The following DNAH17 variants were observed in gnomAD, a reference collection of about 807,000 sequenced individuals.
The protein encoded by DNAH17 is dynein axonemal heavy chain 17, also known as axonemal beta dynein heavy chain 17.
In DNAH17, 376 loss-of-function variants were observed where a neutral mutation model predicts 485.6. That is an observed-to-expected ratio of 0.77 (90% confidence interval 0.71 to 0.84). The LOEUF (loss-of-function observed/expected upper bound fraction) is 0.84. Ranked by LOEUF, DNAH17 falls within the 40% of genes least tolerant of loss-of-function variation. The probability of loss-of-function intolerance (pLI) is 0.00; values close to 1 mark genes in which losing one functional copy is unlikely to be tolerated. For missense variants in DNAH17, 6,370 were observed against 5,839.3 expected, an observed-to-expected ratio of 1.09 and a Z score of -2.96; for synonymous variants, 3,031 against 2,405.9, an observed-to-expected ratio of 1.26 and a Z score of -7.60.
intron 76 of DNAH17, 80 bp downstream of exon 76, chr17:78,429,041 C>T (rs915085963): frequency 6.8e-6 from 10 of 1,475,442 alleles, no homozygotes; most frequent in South Asian, 1.2e-5. Context: ...ATTATTGACA[C>T]TCCATTTGTG....
intron 17 of DNAH17, among the ~76,000 whole-genome samples, chr17:78,543,184 G>A (rs1464667779): frequency 2.0e-5 from 3 of 152,198 alleles, no homozygotes; most frequent in South Asian, 2.1e-4. Context: ...GTGCGATCTT[G>A]GTTCACTGCC....
intron 31 of DNAH17, among the ~76,000 whole-genome samples, chr17:78,503,480 C>T (rs1469016680): frequency 2.6e-5 from 4 of 151,758 alleles, no homozygotes; most frequent in Admixed American, 6.6e-5. Context: ...CCACCACGCT[C>T]GGCCACATAT....
At chr17:78,537,276 G>C (rs1242778643) in intron 19 of DNAH17, 23 bp downstream of exon 19, 7 of 1,549,854 alleles carry the variant, frequency 4.5e-6, no homozygotes, top group Non-Finnish European at 6.1e-6. Context: ...CCCTGTGTAC[G>C]GCCAGAAGAG....
intron 22 of DNAH17, 110 bp downstream of exon 22, chr17:78,529,362 A>G: frequency 9.4e-7 from 1 of 1,068,176 alleles, no homozygotes; most frequent in Admixed American, 1.9e-5. Context: ...TCCAGAGAGG[A>G]TCTAGCCCAC....
At chr17:78,530,939 C>T (rs1052630032) in intron 20 of DNAH17, among the ~76,000 whole-genome samples, 1 of 152,208 alleles carries the variant, frequency 6.6e-6, no homozygotes, top group East Asian at 1.9e-4. Flanking sequence ...GCCCACGGGG[C>T]CCTCTTTCTC....
Position 78,506,726 on chromosome 17 carries a change from G to C in DNAH17, c.4797C>G (p.Pro1599=). ...LLDILSNGND[P]VEVSRHLSKL... is the part of the protein sequence containing the mutation. Reference sequence around the variant, plus strand: ...TGCAAGGGGCCCCGCCTACCTCCACGGGGTCATTGCCATTGGAGAGAATGT... The same window carrying C: ...TGCAAGGGGCCCCGCCTACCTCCACCGGGTCATTGCCATTGGAGAGAATGT... The change falls in exon 30 of 81, where the codon CCC becomes CCG. Residue 1599 remains proline (P), a synonymous_variant. Transcript: ENST00000389840. 1 of 1,613,938 alleles carries C rather than the reference G, an allele frequency of 6.2e-7. No individual in the cohort carries two copies.
At chr17:78,463,127 A>C (rs1267718347) in intron 56 of DNAH17, 50 bp from the exon 57 acceptor site, 2 of 1,568,700 alleles carry the variant, frequency 1.3e-6, no homozygotes, top group African/African-American at 2.7e-5. Flanking sequence ...CCTGCAAATC[A>C]GCAAAGTGGG....
chr17:78,507,923 A>G (rs1210491646), intron 27 of DNAH17, 118 bp from the exon 28 acceptor site: 4 of 959,750 alleles, frequency 4.2e-6, no homozygotes, highest in Middle Eastern at 2.7e-4. Context: ...AAAGGCTCAA[A>G]CCAACGTATT....
intron 31 of DNAH17, 111 bp from the exon 32 acceptor site, chr17:78,503,122 A>C: frequency 1.6e-6 from 2 of 1,243,006 alleles, no homozygotes; most frequent in Non-Finnish European, 2.1e-6. Flanking sequence ...TCCTCATCCC[A>C]GGGGCAGACA....
intron 13 of DNAH17, among the ~76,000 whole-genome samples, chr17:78,560,170 A>G (rs73999131): frequency 6.6e-6 from 1 of 152,082 alleles, no homozygotes; most frequent in Non-Finnish European, 1.5e-5. Context: ...GACTGTCTGG[A>G]TCACTAATTT....
At position 78,527,062 on chromosome 17, in the gene DNAH17, A is replaced by G. The variant is rs2091098115; in HGVS notation, c.3508-66T>C. 9.6e-6 allele frequency: 13 copies of G among 1,349,930 alleles called. No individual in the cohort carries two copies. In the South Asian group the frequency reaches 1.8e-4, roughly 18 times the overall value. The allele number at this position is 1,349,930 out of a possible 1,614,324, so 83.6% of individuals were successfully genotyped here. ...CTTTTCTTAAACCTTCTATTGTGAA[A>G]TAATTAGAGACTGGTAAGAAGCTGC... is the stretch of plus-strand genomic sequence containing the variant. On this transcript the variant is annotated intron_variant, in intron 22 of 80. Coordinates refer to ENST00000389840, the MANE Select transcript of DNAH17 (RefSeq NM_173628.4).
rs1372688825 is a variant in DNAH17, at chr17:78,529,544, G to A, written c.3435C>T (p.Pro1145=). The change falls in exon 22 of 81, where the codon CCC becomes CCT. Residue 1145 remains proline, a synonymous_variant. Coordinates refer to ENST00000389840, the MANE Select transcript of DNAH17 (RefSeq NM_173628.4). ...TGAGCAGCTCGATGGTTTGCTTCAG[G>A]GGCTCAAACATGTTGTCGGTGGCTG... ...RQAATDNMFE[P]LKQTIELLKT... 5.0e-6 allele frequency: 8 copies of A among 1,613,792 alleles called. No individual in the cohort carries two copies. The highest frequency in any genetic ancestry group is 1.7e-5 in the Admixed American group (1 of 59,996).
chr17:78,552,838 G>A (rs1014728571), intron 14 of DNAH17, 33 bp from the exon 15 acceptor site: 2 of 1,470,954 alleles, frequency 1.4e-6, no homozygotes, highest in East Asian at 2.3e-5. Flanking sequence ...TTTGTTCCGA[G>A]TCCAACCAGA....
intron 4 of DNAH17, 71 bp downstream of exon 4, chr17:78,571,519 G>T: frequency 6.4e-7 from 1 of 1,570,094 alleles, no homozygotes; most frequent in Non-Finnish European, 8.8e-7. Context: ...TTGGCACTGG[G>T]AGGCGGAGAG....
At position 78,445,648 on chromosome 17, in the gene DNAH17, C is replaced by T; in HGVS notation, c.11244G>A (p.Val3748=). 1.3e-6 allele frequency: 2 copies of T among 1,576,796 alleles called. No homozygotes were observed. The highest frequency in any genetic ancestry group is 8.6e-7 in the Non-Finnish European group (1 of 1,161,296). The change falls in exon 70 of 81, where the codon GTG becomes GTA. Residue 3748 remains valine (V), a synonymous_variant. Coordinates refer to ENST00000389840, the MANE Select transcript of DNAH17 (RefSeq NM_173628.4). ...VLSMKKELNP[V]ELDFLLRFPF... Reference sequence around the variant, plus strand: ...GGAACCGCAGGAGGAAATCCAGCTCCACTGGGTTCAGCTCCTTCTTCATGG... The same window carrying T: ...GGAACCGCAGGAGGAAATCCAGCTCTACTGGGTTCAGCTCCTTCTTCATGG...
At chr17:78,433,370 A>C (rs1036813876) in intron 75 of DNAH17, among the ~76,000 whole-genome samples, 33 of 152,206 alleles carry the variant, frequency 2.2e-4, no homozygotes, top group Non-Finnish European at 4.1e-4. Context: ...TCTGGGATTC[A>C]TACGCTACCA....
chr17:78,460,399 AGT>A (rs2088056600), intron 58 of DNAH17, 142 bp from the exon 59 acceptor site: 4 of 660,038 alleles, frequency 6.1e-6, no homozygotes, highest in Admixed American at 2.6e-5. Context: ...TATGTGCATG[AGT>A]GTATGTGTGT....
At chr17:78,484,616 T>C (rs1263326232) in intron 48 of DNAH17, among the ~76,000 whole-genome samples, 2 of 152,004 alleles carry the variant, frequency 1.3e-5, no homozygotes, top group African/African-American at 2.4e-5. Flanking sequence ...TGCATGTTTG[T>C]GAAATGGGTG....
Position 78,494,087 on chromosome 17 carries a change from C to T in DNAH17, c.6357G>A (p.Gln2119=), listed in dbSNP as rs1183908227. ...CGACGATGAACACGGAGTGGCGGACCTGCAGCAGCTCCTCCAGCTGCACCA... is the reference window on the plus strand; with the variant it reads ...CGACGATGAACACGGAGTGGCGGACTTGCAGCAGCTCCTCCAGCTGCACCA... ...LKVVQLEELL[Q]VRHSVFIVGN... is the part of the protein sequence containing the mutation. Residue 2119 remains glutamine (Q), a synonymous_variant, in exon 41 of 81, where the codon CAG becomes CAA. Coordinates refer to ENST00000389840, the MANE Select transcript of DNAH17 (RefSeq NM_173628.4). The T allele has an allele frequency of 6.2e-7, 1 of 1,612,820 alleles. No individual in the cohort carries two copies. Among genetic ancestry groups the T allele is most frequent in the Admixed American group, 1.7e-5 (1 of 59,992 alleles).
Sources: gnomAD v4.1 joint callset for allele counts (sites outside exome capture counted in the v4.1 genomes callset) on GRCh38, gnomAD v4.1.1 for gene constraint, MANE v1.5 for transcripts, NCBI Gene and HGNC (gene_info 2026-07-23, HGNC 2026-07-21) for gene names.